Variants in DLG3 observed in about 807,000 individuals in gnomAD.
DLG3 encodes the protein disks large homolog 3.
Under a neutral mutation model 64.1 loss-of-function variants are expected in DLG3, and 1 was observed. That is an observed-to-expected ratio of 0.02 (90% CI 0.01 to 0.07). The LOEUF (loss-of-function observed/expected upper bound fraction) is 0.07. DLG3 is among the 10% of genes least tolerant of loss of function. The probability of loss-of-function intolerance (pLI) is 1.00; values close to 1 mark genes in which losing one functional copy is unlikely to be tolerated. For synonymous variants in DLG3, 245 were observed against 259.8 expected (o/e 0.94, Z 0.55); for missense variants, 429 against 669.5 (o/e 0.64, Z 3.96).
intron 10 of DLG3, among the ~76,000 whole-genome samples, chrX:70,491,898 A>T (rs1339713662): frequency 9.0e-6 from 1 of 111,608 alleles, no homozygotes; most frequent in Non-Finnish European, 1.9e-5. Flanking sequence ...TATGCTTCTT[A>T]TTGGGAGAAT....
At chrX:70,489,714 C>G (rs1402690303) in intron 10 of DLG3, among the ~76,000 whole-genome samples, 6 of 111,987 alleles carry the variant, frequency 5.4e-5, no homozygotes. Context: ...ACTTTATACA[C>G]TTCAGCTTGT....
At chrX:70,486,416 C>T (rs1447742202) in intron 10 of DLG3, among the ~76,000 whole-genome samples, 2 of 111,443 alleles carry the variant, frequency 1.8e-5, no homozygotes, top group Non-Finnish European at 3.8e-5. Flanking sequence ...TGTGACCAGT[C>T]CCTAACTTGG....
intron 9 of DLG3, among the ~76,000 whole-genome samples, chrX:70,463,752 A>G (rs2086841892): frequency 1.8e-5 from 2 of 111,860 alleles, no homozygotes; most frequent in Admixed American, 1.9e-4. Flanking sequence ...TAGGGACTCA[A>G]TTTTTTGATC....
intron 9 of DLG3, among the ~76,000 whole-genome samples, chrX:70,459,067 T>A (rs2086760781): frequency 8.9e-6 from 1 of 112,453 alleles, no homozygotes; most frequent in Non-Finnish European, 1.9e-5. Flanking sequence ...TATATCAGCC[T>A]CTGTTTATAA....
At chrX:70,488,714 A>G (rs1436544590) in intron 10 of DLG3, among the ~76,000 whole-genome samples, 2 of 112,133 alleles carry the variant, frequency 1.8e-5, no homozygotes, top group African/African-American at 6.5e-5. Flanking sequence ...GTTGGACAAA[A>G]TGACCTCTGA....
At chrX:70,456,422 T>A (rs1215740545) in intron 9 of DLG3, among the ~76,000 whole-genome samples, 1 of 112,242 alleles carries the variant, frequency 8.9e-6, no homozygotes, top group Non-Finnish European at 1.9e-5. Context: ...AACAATACTG[T>A]GAATTGTGTG....
rs376128997 is a variant in DLG3, at chrX:70,453,621, A to C, written c.1146-16A>C. 1.7e-6 allele frequency: 2 copies of C among 1,205,211 alleles called. No individual in the cohort carries two copies. Among genetic ancestry groups the C allele is most frequent in the African/African-American group, 3.5e-5 (2 of 56,834 alleles). On this transcript the variant is annotated splice_polypyrimidine_tract_variant and intron_variant, in intron 7 of 18. Coordinates refer to ENST00000374360, the MANE Select transcript of DLG3 (RefSeq NM_021120.4). The stretch of plus-strand genomic sequence containing the variant: ...ATATCTACCTAGTCCTGACTCCTCC[A>C]CTCCTTTCCCACCAGAGAGCCTCGC...
Position 70,482,016 on chromosome X carries a change from G to A in DLG3, c.1520+2752G>A, listed in dbSNP as rs747444588. ...GCATAAATAAAACTGCCCTCTCAGC[G>A]CCTCAAACAAGCGGCATGTACTTTC... On this transcript the variant is annotated intron_variant, in intron 10 of 18. Coordinates refer to ENST00000374360, the MANE Select transcript of DLG3 (RefSeq NM_021120.4). 1.4e-3 allele frequency among the ~76,000 whole-genome samples: 154 copies of A among 111,816 alleles called. 2 individuals carry two copies. The highest frequency in any genetic ancestry group is 4.6e-3 in the Middle Eastern group (1 of 217).
chrX:70,477,367 A>T (rs186255597), intron 9 of DLG3, among the ~76,000 whole-genome samples: 1 of 112,281 alleles, frequency 8.9e-6, no homozygotes, highest in African/African-American at 3.2e-5. Flanking sequence ...TTCTGCCCAT[A>T]GCCGGTGAGC....
At chrX:70,481,432 G>A (rs2087152929) in intron 10 of DLG3, among the ~76,000 whole-genome samples, 1 of 112,101 alleles carries the variant, frequency 8.9e-6, no homozygotes, top group Non-Finnish European at 1.9e-5. Flanking sequence ...GGCAAATGCA[G>A]GCTTAAACAG....
rs1168386554 is a variant in DLG3 at position 70,445,438 on chromosome X, C to T, written c.237C>T (p.Gly79=). ...PRTKAKLIPT[G]RDVGPVPPKP... is the part of the protein sequence containing the mutation. ...CCAAGGCCAAGCTCATCCCCACCGG[C>T]CGGGATGTGGGGCCGGTGCCTCCTA... Residue 79 remains glycine, a synonymous_variant, in exon 1 of 19, where the codon GGC becomes GGT. Transcript: ENST00000374360. The T allele has an allele frequency of 5.8e-6, 7 of 1,200,232 alleles. No individual in the cohort carries two copies. Among genetic ancestry groups the T allele is most frequent in the Non-Finnish European group, 7.9e-6 (7 of 890,628 alleles).
chrX:70,501,413 C>CTGTCTGTGTGTGTGTGTGTGTGTGTGTG (rs1421730747), intron 18 of DLG3, among the ~76,000 whole-genome samples: 2 of 93,884 alleles, frequency 2.1e-5, no homozygotes, highest in Non-Finnish European at 4.2e-5. Context: ...GTCTGTCTGT[C>CTGTCTGTGTGTGTGTGTGTGTGTGTGTG]TGTGTGTGTG....
At chrX:70,475,318 G>A (rs189961299) in intron 9 of DLG3, among the ~76,000 whole-genome samples, 8 of 112,250 alleles carry the variant, frequency 7.1e-5, no homozygotes, top group African/African-American at 1.9e-4. Flanking sequence ...ATCCTATGCA[G>A]CTATTAAAAT....
chrX:70,498,263 G>T (rs2087491414), intron 13 of DLG3, among the ~76,000 whole-genome samples: 1 of 112,764 alleles, frequency 8.9e-6, no homozygotes, highest in Non-Finnish European at 1.9e-5. Context: ...GGGGTGGTTT[G>T]GGGTGGAGGC....
intron 1 of DLG3, 81 bp downstream of exon 1, chrX:70,445,639 G>C: frequency 1.1e-6 from 1 of 926,728 alleles, no homozygotes; most frequent in South Asian, 2.2e-5. Flanking sequence ...GGATGCAGTA[G>C]GGGTCGCTGG....
At chrX:70,501,405 C>G (rs866761120) in intron 18 of DLG3, among the ~76,000 whole-genome samples, 4 of 45,544 alleles carry the variant, frequency 8.8e-5, no homozygotes, top group South Asian at 1.7e-3. Flanking sequence ...GGGTGTCTGT[C>G]TGTCTGTCTG....
chrX:70,467,364 C>T lies in DLG3; in HGVS notation c.1406-11786C>T, dbSNP rs7057995. Among the ~76,000 whole-genome samples, 699 of 112,363 alleles carry T rather than the reference C, an allele frequency of 6.2e-3. 6 individuals carry two copies. Among genetic ancestry groups the T allele is most frequent in the African/African-American group, 0.02 (630 of 30,947 alleles). ...ATTTCTCTGCATTTTTGAAGTACCA[C>T]CTTTATTATAAATAAAATTCTTTTA... On this transcript the variant is annotated intron_variant, in intron 9 of 18. Coordinates refer to ENST00000374360, the MANE Select transcript of DLG3 (RefSeq NM_021120.4).
chrX:70,470,021 G>C (rs2086944529), intron 9 of DLG3, among the ~76,000 whole-genome samples: 1 of 111,675 alleles, frequency 9.0e-6, no homozygotes, highest in African/African-American at 3.3e-5. Context: ...GGCAGCAGTT[G>C]ATTTATTTTG....
Position 70,501,323 on chromosome X carries a change from G to C in DLG3, c.2347+334G>C, listed in dbSNP as rs779243394. On this transcript the variant is annotated intron_variant, in intron 18 of 18. Transcript: ENST00000374360. ...TCCCCCTCCCCCAGTACTTTGCTTT[G>C]CATGTTTAGGTGCTGAATAAACGTT... Among the ~76,000 whole-genome samples, 278 of 109,708 alleles carry C rather than the reference G, an allele frequency of 2.5e-3. 1 individual carries two copies. Among genetic ancestry groups the C allele is most frequent in the Non-Finnish European group, 4.4e-3 (233 of 52,713 alleles).
Sources: gnomAD v4.1 joint callset for allele counts (sites outside exome capture counted in the v4.1 genomes callset) on GRCh38, gnomAD v4.1.1 for gene constraint, MANE v1.5 for transcripts, NCBI Gene and HGNC (gene_info 2026-07-23, HGNC 2026-07-21) for gene names.